Variants in TDRD1 observed in about 807,000 individuals in gnomAD.
The protein encoded by TDRD1 is tudor domain-containing protein 1.
A neutral mutation model predicts 140.6 loss-of-function variants in TDRD1; 37 were observed. The ratio of observed to expected loss-of-function variants is 0.26; its 90% CI spans 0.20 to 0.35. The LOEUF (loss-of-function observed/expected upper bound fraction) is 0.35. Ranked by LOEUF, TDRD1 falls within the 10% of genes least tolerant of loss-of-function variation. The probability of loss-of-function intolerance (pLI) is 1.00; values close to 1 mark genes in which losing one functional copy is unlikely to be tolerated. For synonymous variants in TDRD1, 506 were observed against 475.7 expected (o/e 1.06, Z -0.83); for missense variants, 1,243 against 1,393.0 (o/e 0.89, Z 1.71).
intron 21 of TDRD1, among the ~76,000 whole-genome samples, chr10:114,224,242 C>A (rs2036308564): frequency 6.6e-6 from 1 of 152,178 alleles, no homozygotes. Context: ...AATTTTGAGG[C>A]ACTGCTTTTA....
At chr10:114,188,991 C>T (rs1224021145) in intron 2 of TDRD1, among the ~76,000 whole-genome samples, 2 of 151,712 alleles carry the variant, frequency 1.3e-5, no homozygotes, top group Non-Finnish European at 2.9e-5. Context: ...TCAGAATGTG[C>T]GCTTGGGCCT....
At chr10:114,178,649 CG>C (rs1232356183), upstream of TDRD1, among the ~76,000 whole-genome samples, 1 of 152,128 alleles carries the variant, frequency 6.6e-6, no homozygotes, top group African/African-American at 2.4e-5. Context: ...AGTGAACAAA[CG>C]TGGCTTTTTC....
chr10:114,183,631 C>T (rs184192383), intron 1 of TDRD1, among the ~76,000 whole-genome samples: 16 of 150,930 alleles, frequency 1.1e-4, no homozygotes, highest in Non-Finnish European at 2.1e-4. Context: ...AGACATTTTA[C>T]GGTGTTTCTG....
At chr10:114,202,865 C>A (rs781667001) in intron 6 of TDRD1, among the ~76,000 whole-genome samples, 7 of 152,190 alleles carry the variant, frequency 4.6e-5, no homozygotes, top group African/African-American at 1.7e-4. Flanking sequence ...CCCACGTGGC[C>A]TTATTCTTGG....
intron 11 of TDRD1, among the ~76,000 whole-genome samples, chr10:114,206,926 T>G (rs1463344990): frequency 2.0e-5 from 3 of 150,310 alleles, no homozygotes; most frequent in Non-Finnish European, 4.4e-5. Context: ...AAGTTAGGGC[T>G]TTTTAGCTCA....
chr10:114,221,385 G>A (rs199767512), exon 20 of TDRD1: 53 of 1,612,862 alleles, frequency 3.3e-5, no homozygotes, highest in Non-Finnish European at 4.2e-5. Context: ...AATGGAAGAC[G>A]ATAGAATTGC....
intron 13 of TDRD1, among the ~76,000 whole-genome samples, chr10:114,211,520 G>T (rs1589695450): frequency 6.6e-6 from 1 of 152,326 alleles, no homozygotes; most frequent in East Asian, 1.9e-4. Context: ...TGCTTGCCAG[G>T]TGTTTTAAAA....
At chr10:114,222,065 C>G (rs1377132753) in intron 20 of TDRD1, among the ~76,000 whole-genome samples, 1 of 152,070 alleles carries the variant, frequency 6.6e-6, no homozygotes, top group Non-Finnish European at 1.5e-5. Flanking sequence ...AAAAATGAAA[C>G]TTTTGTTTCA....
intron 23 of TDRD1, 102 bp downstream of exon 23, chr10:114,227,401 TCTC>T (rs768353465): frequency 3.5e-5 from 30 of 846,152 alleles, no homozygotes; most frequent in Middle Eastern, 2.6e-4. Context: ...TGCCATACTC[TCTC>T]CTCCTCCTCC....
chr10:114,177,978 G>A (rs143663994), upstream of TDRD1, among the ~76,000 whole-genome samples: 198 of 151,380 alleles, frequency 1.3e-3, 1 homozygote, highest in African/African-American at 4.6e-3. Flanking sequence ...GATTACAGGC[G>A]CCTGCCACCA....
intron 11 of TDRD1, among the ~76,000 whole-genome samples, chr10:114,209,044 A>C (rs935267117): frequency 2.0e-5 from 3 of 152,036 alleles, no homozygotes; most frequent in Non-Finnish European, 4.4e-5. Flanking sequence ...GGCCTCCCAA[A>C]GTGCTCTGAT....
chr10:114,220,991 A>G, intron 19 of TDRD1, 148 bp downstream of exon 19: 3 of 603,754 alleles, frequency 5.0e-6, no homozygotes, highest in South Asian at 4.3e-5. Flanking sequence ...TTATTATTAA[A>G]TTATTGAACA....
intron 11 of TDRD1, among the ~76,000 whole-genome samples, chr10:114,206,770 C>T (rs1192787180): frequency 2.0e-5 from 3 of 152,086 alleles, no homozygotes; most frequent in Non-Finnish European, 2.9e-5. Flanking sequence ...CCCGCTAGCA[C>T]GCCCAGCTAA....
chr10:114,220,551 C>G lies in TDRD1; in HGVS notation c.2495-17C>G, dbSNP rs1279091693. On this transcript the variant is annotated splice_polypyrimidine_tract_variant and intron_variant, in intron 18 of 25. Coordinates refer to ENST00000251864, the Ensembl canonical transcript of TDRD1. ...CTTGTTCATAGGATTCTTTTTACTG[C>G]TGTCCTTATTTTCTAGATATACAGT... 3 of 1,596,094 alleles carry G rather than the reference C, an allele frequency of 1.9e-6. No individual in the cohort carries two copies. Among genetic ancestry groups the G allele is most frequent in the East Asian group, 2.2e-5 (1 of 44,746 alleles).
intron 25 of TDRD1, chr10:114,228,347 T>G: frequency 1.5e-6 from 2 of 1,295,082 alleles, no homozygotes; most frequent in South Asian, 4.0e-5. Flanking sequence ...CCCAGGGGTA[T>G]TCCAGTTGTA....
chr10:114,218,609 C>A, intron 18 of TDRD1, 25 bp downstream of exon 18: 1 of 1,515,844 alleles, frequency 6.6e-7, no homozygotes, highest in Non-Finnish European at 9.0e-7. Context: ...AAGAAACTTT[C>A]TCAACTTTCT....
intron 5 of TDRD1, 56 bp from the exon 6 acceptor site, chr10:114,202,182 C>A (rs1477245689): frequency 6.9e-5 from 93 of 1,338,728 alleles, no homozygotes; most frequent in Non-Finnish European, 9.5e-5. Context: ...TGGTTGATAG[C>A]CCCTATGTTA....
At chr10:114,205,927 T>TTA (rs1186521985) in intron 10 of TDRD1, among the ~76,000 whole-genome samples, 5 of 152,312 alleles carry the variant, frequency 3.3e-5, no homozygotes, top group African/African-American at 1.2e-4. Context: ...TGTGGTGTGT[T>TTA]TATTTCACAT....
At chr10:114,198,636 C>A (rs2034528146) in intron 3 of TDRD1, among the ~76,000 whole-genome samples, 1 of 151,750 alleles carries the variant, frequency 6.6e-6, no homozygotes, top group African/African-American at 2.4e-5. Context: ...GCTAGCAGAG[C>A]AGGTTTTAAA....
Sources: gnomAD v4.1 joint callset for allele counts (sites outside exome capture counted in the v4.1 genomes callset) on GRCh38, gnomAD v4.1.1 for gene constraint, MANE v1.5 for transcripts, NCBI Gene and HGNC (gene_info 2026-07-23, HGNC 2026-07-21) for gene names.